The following EPHA6 variants were observed in gnomAD, a reference collection of about 807,000 sequenced individuals.
EPHA6 encodes ephrin type-A receptor 6.
EPHA6 carries 50 observed loss-of-function variants against 112.0 expected under a neutral mutation model. The ratio of observed to expected loss-of-function variants is 0.45; its 90% CI spans 0.36 to 0.56. The LOEUF (loss-of-function observed/expected upper bound fraction) is 0.56, where lower values mean the gene tolerates loss of function less well. Ranked by LOEUF, EPHA6 falls within the 20% of genes least tolerant of loss-of-function variation. EPHA6 has a pLI of 0.00. For synonymous variants in EPHA6, 529 were observed against 490.7 expected, an observed-to-expected ratio of 1.08 and a Z score of -1.03; for missense variants, 1,280 against 1,417.4, an observed-to-expected ratio of 0.90 and a Z score of 1.56.
At chr3:97,519,217 T>A (rs2092497278) in intron 10 of EPHA6, among the ~76,000 whole-genome samples, 3 of 152,188 alleles carry the variant, frequency 2.0e-5, no homozygotes, top group African/African-American at 7.2e-5. Context: ...TGCATATGGA[T>A]GTCCGATTTT....
At chr3:97,456,021 A>C (rs1382584429) in intron 7 of EPHA6, among the ~76,000 whole-genome samples, 1 of 152,076 alleles carries the variant, frequency 6.6e-6, no homozygotes, top group Non-Finnish European at 1.5e-5. Context: ...AACTATTAAC[A>C]GGTACTTAGA....
intron 14 of EPHA6, among the ~76,000 whole-genome samples, chr3:97,667,271 C>G (rs1040419020): frequency 6.6e-6 from 1 of 152,188 alleles, no homozygotes; most frequent in East Asian, 1.9e-4. Flanking sequence ...CACTTTCTCT[C>G]TGCATATTAA....
intron 12 of EPHA6, chr3:97,606,072 C>T (rs775185177): frequency 2.6e-5 from 4 of 151,338 alleles, no homozygotes; most frequent in African/African-American, 9.7e-5. Context: ...GCAATTTAGA[C>T]GTTAATTCTG....
At chr3:97,030,458 T>C (rs1387268861) in intron 3 of EPHA6, among the ~76,000 whole-genome samples, 1 of 152,076 alleles carries the variant, frequency 6.6e-6, no homozygotes, top group Admixed American at 6.6e-5. Flanking sequence ...GTTAGAGCCA[T>C]AGAGCACGGG....
At chr3:97,187,561 C>T (rs1284821554) in intron 3 of EPHA6, among the ~76,000 whole-genome samples, 4 of 128,530 alleles carry the variant, frequency 3.1e-5, no homozygotes, top group East Asian at 2.2e-4. Context: ...ACTGACTGAG[C>T]GAGACTTCGT....
intron 13 of EPHA6, among the ~76,000 whole-genome samples, chr3:97,618,872 A>G (rs899900051): frequency 4.6e-5 from 7 of 152,026 alleles, no homozygotes; most frequent in South Asian, 2.1e-4. Flanking sequence ...AAACAATACT[A>G]AAAAAATTGA....
chr3:97,221,706 T>C (rs1211361573), intron 3 of EPHA6, among the ~76,000 whole-genome samples: 1 of 152,042 alleles, frequency 6.6e-6, no homozygotes, highest in Non-Finnish European at 1.5e-5. Context: ...CATTCACCAT[T>C]TATTTACCAT....
intron 16 of EPHA6, among the ~76,000 whole-genome samples, chr3:97,736,468 A>AGT (rs1174431228): frequency 0.017 from 1,870 of 109,506 alleles, 31 homozygotes; most frequent in African/African-American, 0.06. Context: ...AGAGAGAGAG[A>AGT]GAGTGTGTGT....
At chr3:97,241,453 A>G (rs2078843252) in intron 4 of EPHA6, among the ~76,000 whole-genome samples, 1 of 151,786 alleles carries the variant, frequency 6.6e-6, no homozygotes, top group Non-Finnish European at 1.5e-5. Flanking sequence ...TATTGCTGCC[A>G]TGTTATTTTT....
intron 10 of EPHA6, among the ~76,000 whole-genome samples, chr3:97,505,602 G>A (rs531871633): frequency 1.8e-4 from 27 of 152,212 alleles, no homozygotes; most frequent in Admixed American, 5.9e-4. Context: ...TGGGCATTTG[G>A]GTTGGTTCTA....
chr3:97,061,131 T>C (rs991655446), intron 3 of EPHA6, among the ~76,000 whole-genome samples: 1 of 152,066 alleles, frequency 6.6e-6, no homozygotes, highest in Non-Finnish European at 1.5e-5. Flanking sequence ...GGTTTTCTTA[T>C]AGGACCCAAA....
At chr3:97,223,486 G>A (rs1315332541) in intron 3 of EPHA6, among the ~76,000 whole-genome samples, 1 of 152,150 alleles carries the variant, frequency 6.6e-6, no homozygotes, top group Non-Finnish European at 1.5e-5. Context: ...CCAAGATTCT[G>A]GAAAAGGCCA....
chr3:97,453,454 G>A lies in EPHA6; in HGVS notation c.1894+4724G>A, dbSNP rs1384378436. On this transcript the variant is annotated intron_variant, in intron 7 of 17. Transcript: ENST00000389672. ...AAATTTAAGTTTTCACCTGTAGGCT[G>A]CATAAATCAGTTTTGTAGCACAAAA... Among the ~76,000 whole-genome samples, 12 of 151,610 alleles carry A rather than the reference G, an allele frequency of 7.9e-5. No homozygotes were observed. In the East Asian group the frequency reaches 2.1e-3, roughly 27 times the overall value.
chr3:97,466,289 T>A lies in EPHA6; in HGVS notation c.1895-9063T>A, dbSNP rs745708031. The A allele has an allele frequency of 3.6e-6, 5 of 1,382,144 alleles. No homozygotes were observed. In the East Asian group the frequency reaches 1.1e-4, roughly 32 times the overall value. 85.6% of individuals were successfully genotyped at this position (1,382,144 alleles called of 1,614,324 possible). ...TAAGGTTAGATAGAAAACATTCCCC[T>A]CAAGCAACATAATAAACAATGAGAA... On this transcript the variant is annotated intron_variant, in intron 7 of 17. Coordinates refer to ENST00000389672, the MANE Select transcript of EPHA6 (RefSeq NM_001080448.3).
Position 97,759,129 on chromosome 3 carries a change from G to C in EPHA6, c.*10428G>C, listed in dbSNP as rs935062678. On this transcript the variant is annotated 3_prime_UTR_variant, in exon 18 of 18. Coordinates refer to ENST00000389672, the MANE Select transcript of EPHA6 (RefSeq NM_001080448.3). ...GAAATGGAGTATAAAGTAAGCTAGA[G>C]AAAAAGGAAATGCAGTTGCTCATCT... Among the ~76,000 whole-genome samples, 1 of 151,952 alleles carries C rather than the reference G, an allele frequency of 6.6e-6. No homozygotes were observed. The highest frequency in any genetic ancestry group is 2.4e-5 in the African/African-American group (1 of 41,400).
At chr3:97,438,136 T>G (rs2089952729) in intron 6 of EPHA6, among the ~76,000 whole-genome samples, 1 of 152,180 alleles carries the variant, frequency 6.6e-6, no homozygotes, top group Non-Finnish European at 1.5e-5. Context: ...TAATTTTTAG[T>G]TGAACATCAT....
At chr3:97,303,418 A>G (rs577443931) in intron 5 of EPHA6, among the ~76,000 whole-genome samples, 1 of 152,124 alleles carries the variant, frequency 6.6e-6, no homozygotes, top group South Asian at 2.1e-4. Flanking sequence ...TTTTCCAGAC[A>G]TAACAAACAG....
chr3:97,482,649 T>A (rs905149692), intron 9 of EPHA6, among the ~76,000 whole-genome samples: 4 of 152,162 alleles, frequency 2.6e-5, no homozygotes, highest in African/African-American at 9.7e-5. Context: ...ATATTGGGCA[T>A]TTCAGCACCT....
intron 6 of EPHA6, among the ~76,000 whole-genome samples, chr3:97,425,864 C>T (rs146614854): frequency 0.014 from 2,067 of 152,278 alleles, 49 homozygotes; most frequent in African/African-American, 0.045. Context: ...CTCCACAGAT[C>T]TCTAGGGCAG....
Sources: gnomAD v4.1 joint callset for allele counts (sites outside exome capture counted in the v4.1 genomes callset) on GRCh38, gnomAD v4.1.1 for gene constraint, MANE v1.5 for transcripts, NCBI Gene and HGNC (gene_info 2026-07-23, HGNC 2026-07-21) for gene names.